The following DCC variants were observed in gnomAD, a reference collection of about 807,000 sequenced individuals.
DCC encodes the protein DCC netrin 1 receptor.
A neutral mutation model predicts 172.5 loss-of-function variants in DCC; 58 were observed. The observed-to-expected ratio is 0.34, with a 90% CI of 0.27 to 0.42. DCC has a LOEUF of 0.42. Among genes scored for constraint, DCC ranks in the 10% least tolerant of loss-of-function variants. DCC has a pLI of 1.00. For synonymous variants in DCC, 709 were observed against 644.5 expected (o/e 1.10, Z -1.52); for missense variants, 1,740 against 1,791.0 (o/e 0.97, Z 0.51).
rs951585848 is a variant in DCC, at chr18:53,531,951, C to T, written c.*1298C>T. 2.6e-4 allele frequency: 39 copies of T among 152,290 alleles called. 1 individual carries two copies. The highest frequency in any genetic ancestry group is 8.9e-4 in the African/African-American group (37 of 41,572). The allele number at this position is 152,290 out of a possible 1,614,324, so 9.4% of individuals were successfully genotyped here. A position where few individuals can be genotyped will look rare whatever the true frequency, so the allele number is the denominator to read the frequency against. Reference sequence around the variant, plus strand: ...GACTACAGTTTTAAACTTCTATTGCCATGTTTATCTACAGCTTGGAACTAG... The same window carrying T: ...GACTACAGTTTTAAACTTCTATTGCTATGTTTATCTACAGCTTGGAACTAG... On this transcript the variant is annotated 3_prime_UTR_variant, in exon 29 of 29. Coordinates refer to ENST00000442544, the MANE Select transcript of DCC (RefSeq NM_005215.4).
intron 20 of DCC, among the ~76,000 whole-genome samples, chr18:53,413,140 G>A (rs1356201869): frequency 6.6e-6 from 1 of 152,152 alleles, no homozygotes; most frequent in Non-Finnish European, 1.5e-5. Context: ...AGAGAGGAAG[G>A]ATGCTCCCAA....
At chr18:53,423,028 C>A (rs1428060467) in intron 21 of DCC, among the ~76,000 whole-genome samples, 1 of 151,938 alleles carries the variant, frequency 6.6e-6, no homozygotes. Flanking sequence ...TATCATGTTC[C>A]CAGCAAGCAG....
At chr18:52,846,608 AACAC>A (rs71175524) in intron 2 of DCC, among the ~76,000 whole-genome samples, 2,157 of 130,548 alleles carry the variant, frequency 0.017, 47 homozygotes, top group East Asian at 0.1. Flanking sequence ...TGCCACTCCA[AACAC>A]ACACACACAC....
intron 12 of DCC, among the ~76,000 whole-genome samples, chr18:53,251,562 T>C (rs1206145402): frequency 6.6e-6 from 1 of 151,958 alleles, no homozygotes; most frequent in African/African-American, 2.4e-5. Flanking sequence ...CTTACATTTA[T>C]CTAATTCTAA....
At chr18:52,608,359 A>G (rs1414208820) in intron 1 of DCC, among the ~76,000 whole-genome samples, 1 of 152,210 alleles carries the variant, frequency 6.6e-6, no homozygotes, top group Non-Finnish European at 1.5e-5. Context: ...TAATAGTGAA[A>G]GAGAAGCAGA....
intron 7 of DCC, among the ~76,000 whole-genome samples, chr18:53,070,436 T>A (rs993252737): frequency 5.3e-5 from 8 of 152,222 alleles, no homozygotes; most frequent in African/African-American, 1.4e-4. Flanking sequence ...TATTTCCTTC[T>A]AATTTCCAAT....
At chr18:53,012,099 T>C (rs925350374) in intron 5 of DCC, among the ~76,000 whole-genome samples, 1 of 151,972 alleles carries the variant, frequency 6.6e-6, no homozygotes, top group Non-Finnish European at 1.5e-5. Flanking sequence ...TGGTGGAATG[T>C]AAAGATGAAG....
intron 1 of DCC, among the ~76,000 whole-genome samples, chr18:52,732,342 T>TCATCAGACTACAGCCC (rs2036655413): frequency 6.6e-6 from 1 of 152,168 alleles, no homozygotes; most frequent in Non-Finnish European, 1.5e-5. Flanking sequence ...TTTGAAAAAG[T>TCATCAGACTACAGCCC]AAAGAATTCT....
At chr18:52,357,936 T>TCAAA (rs71173391) in intron 1 of DCC, among the ~76,000 whole-genome samples, 28,537 of 122,760 alleles carry the variant, frequency 0.23, 3,513 homozygotes, top group Non-Finnish European at 0.32. Context: ...AGACTCTGTG[T>TCAAA]AAAAAAAAAA....
intron 1 of DCC, among the ~76,000 whole-genome samples, chr18:52,672,310 T>C (rs1268638280): frequency 6.6e-6 from 1 of 152,220 alleles, no homozygotes; most frequent in African/African-American, 2.4e-5. Context: ...ATAATTAGTT[T>C]ACAAGCTATT....
intron 8 of DCC, among the ~76,000 whole-genome samples, chr18:53,165,932 C>T (rs2054912412): frequency 6.6e-6 from 1 of 152,120 alleles, no homozygotes; most frequent in African/African-American, 2.4e-5. Flanking sequence ...ATGTCATAAT[C>T]AGACTTGCAG....
At chr18:53,293,045 A>G (rs868307805) in intron 12 of DCC, among the ~76,000 whole-genome samples, 2 of 152,070 alleles carry the variant, frequency 1.3e-5, no homozygotes, top group African/African-American at 2.4e-5. Flanking sequence ...TGTATTTTGT[A>G]GTGTTTTCAA....
At chr18:52,420,513 G>A (rs1177215846) in intron 1 of DCC, among the ~76,000 whole-genome samples, 3 of 152,128 alleles carry the variant, frequency 2.0e-5, no homozygotes, top group Non-Finnish European at 4.4e-5. Context: ...GGATTTTGGG[G>A]CACCTTCCTG....
intron 1 of DCC, among the ~76,000 whole-genome samples, chr18:52,725,128 C>T (rs2036532834): frequency 6.6e-6 from 1 of 152,122 alleles, no homozygotes; most frequent in East Asian, 1.9e-4. Flanking sequence ...GAAATACCTG[C>T]CCACAGAGGG....
At chr18:52,956,104 T>G (rs1296557687) in intron 5 of DCC, among the ~76,000 whole-genome samples, 1 of 151,988 alleles carries the variant, frequency 6.6e-6, no homozygotes, top group African/African-American at 2.4e-5. Context: ...TTTCATGGAT[T>G]TTGCCTTTAG....
chr18:52,382,239 A>G (rs1985616864), intron 1 of DCC, among the ~76,000 whole-genome samples: 1 of 152,168 alleles, frequency 6.6e-6, no homozygotes, highest in East Asian at 1.9e-4. Context: ...TAAAATCACA[A>G]TAATTTACGT....
At chr18:53,275,811 T>C (rs1222335403) in intron 12 of DCC, among the ~76,000 whole-genome samples, 12 of 152,158 alleles carry the variant, frequency 7.9e-5, no homozygotes, top group Non-Finnish European at 1.8e-4. Flanking sequence ...CCAAATGTTA[T>C]TGACTATAAT....
chr18:53,424,225 C>T (rs13381255), intron 21 of DCC, among the ~76,000 whole-genome samples: 65,573 of 151,932 alleles, frequency 0.43, 15,939 homozygotes, highest in Non-Finnish European at 0.56. Flanking sequence ...GCTTGGAATT[C>T]TGAGTACAGA....
At chr18:52,439,095 C>T (rs915400751) in intron 1 of DCC, among the ~76,000 whole-genome samples, 1 of 151,786 alleles carries the variant, frequency 6.6e-6, no homozygotes, top group Non-Finnish European at 1.5e-5. Flanking sequence ...ACACGTTTTC[C>T]TCCAGGTTTG....
Sources: allele counts gnomAD v4.1 joint callset (sites outside exome capture counted in the v4.1 genomes callset), GRCh38; gene constraint gnomAD v4.1.1; transcripts MANE v1.5; gene names NCBI Gene and HGNC (gene_info 2026-07-23, HGNC 2026-07-21).